SP1: variants seen among roughly 807,000 people sequenced by gnomAD.
The protein encoded by SP1 is transcription factor Sp1.
In SP1, 6 loss-of-function variants were observed where a neutral mutation model predicts 66.3. That is an observed-to-expected ratio of 0.09 (90% CI 0.05 to 0.18). The LOEUF (loss-of-function observed/expected upper bound fraction) is 0.18. Among genes scored for constraint, SP1 ranks in the 10% least tolerant of loss-of-function variants. The pLI, the probability that SP1 is intolerant of heterozygous loss-of-function variation, is 1.00. For missense variants in SP1, 848 were observed against 964.5 expected, an observed-to-expected ratio of 0.88 and a Z score of 1.60; for synonymous variants, 417 against 360.8, an observed-to-expected ratio of 1.16 and a Z score of -1.77.
rs750389401 is a variant in SP1, at chr12:53,383,174, A to ACAGGCCCTC, written c.1239_1247dup (p.Leu415_Ala417dup). 6.2e-7 allele frequency: 1 copy of ACAGGCCCTC among 1,614,096 alleles called. No individual in the cohort carries two copies. Among genetic ancestry groups the ACAGGCCCTC allele is most frequent in the Non-Finnish European group, 8.5e-7 (1 of 1,179,960 alleles). ...TCCAGCCTCAGCTAGTTCAAGGGGG[A>ACAGGCCCTC]CAGGCCCTCCAGGCCCTCCAAGCAG... On this transcript the variant is annotated inframe_insertion, in exon 3 of 6. Transcript: ENST00000327443.
intron 3 of SP1, among the ~76,000 whole-genome samples, chr12:53,395,867 A>G (rs1938476398): frequency 6.6e-6 from 1 of 152,166 alleles, no homozygotes; most frequent in Non-Finnish European, 1.5e-5. Context: ...CACGCCTGTA[A>G]TCACAGCACT....
chr12:53,407,016 G>T (rs965768295), intron 4 of SP1, among the ~76,000 whole-genome samples: 4 of 151,950 alleles, frequency 2.6e-5, no homozygotes, highest in Admixed American at 2.0e-4. Flanking sequence ...AGTAGAGACA[G>T]GGTTTCACTG....
In SP1 at chr12:53,383,619, C is replaced by T. The variant is rs779339105; in HGVS notation, c.1672C>T (p.Pro558Ser). The change falls in exon 3 of 6, where the codon CCA (proline) becomes TCA (serine). Residue 558 changes from proline to serine, a missense_variant. Transcript: ENST00000327443. ...CCTGCCGTTGGCTATAGCAAATGCC[C>T]CAGGTAAGATTTCCAATCTTGTGCA... ...QGLPLAIANA[P>S]GDHGAQLGLH... 1 of 1,598,038 alleles carries T rather than the reference C, an allele frequency of 6.3e-7. No homozygotes were observed. The highest frequency in any genetic ancestry group is 1.7e-5 in the Admixed American group (1 of 59,276).
At chr12:53,409,883 G>C (rs996207371) in intron 5 of SP1, among the ~76,000 whole-genome samples, 5 of 152,154 alleles carry the variant, frequency 3.3e-5, no homozygotes, top group African/African-American at 1.2e-4. Flanking sequence ...GGTGGCAGGC[G>C]CCTGTAGTTG....
intron 1 of SP1, chr12:53,380,814 G>A: frequency 5.1e-6 from 1 of 196,950 alleles, no homozygotes; most frequent in Non-Finnish European, 8.5e-6. Context: ...CCCGCCCTCC[G>A]CCCCGAAACC....
At chr12:53,380,948 T>C (rs1368681799) in intron 1 of SP1, among the ~76,000 whole-genome samples, 1 of 133,288 alleles carries the variant, frequency 7.5e-6, no homozygotes, top group African/African-American at 3.0e-5. Flanking sequence ...TTGTTTGTCT[T>C]TTTTTTTTTT....
intron 3 of SP1, among the ~76,000 whole-genome samples, chr12:53,398,665 C>T: frequency 6.6e-6 from 1 of 152,168 alleles, no homozygotes; most frequent in East Asian, 1.9e-4. Flanking sequence ...TGAAGGAGAA[C>T]TGTGGTTGTG....
intron 3 of SP1, among the ~76,000 whole-genome samples, chr12:53,384,249 G>A (rs1210088082): frequency 2.0e-5 from 3 of 151,376 alleles, no homozygotes; most frequent in African/African-American, 4.9e-5. Context: ...GATTACAGGC[G>A]TGAGCCACCG....
At chr12:53,387,483 G>T (rs962268803) in intron 3 of SP1, among the ~76,000 whole-genome samples, 2 of 152,172 alleles carry the variant, frequency 1.3e-5, no homozygotes, top group Non-Finnish European at 2.9e-5. Flanking sequence ...TAACAAGACA[G>T]TAATTTTCTT....
chr12:53,384,926 A>G (rs1938192113), intron 3 of SP1, among the ~76,000 whole-genome samples: 1 of 151,854 alleles, frequency 6.6e-6, no homozygotes, highest in South Asian at 2.1e-4. Flanking sequence ...CAGAGGTTGC[A>G]GTGAGCCAAG....
At chr12:53,388,790 G>A (rs1456351201) in intron 3 of SP1, among the ~76,000 whole-genome samples, 1 of 152,048 alleles carries the variant, frequency 6.6e-6, no homozygotes, top group East Asian at 1.9e-4. Context: ...GACCAGCCTG[G>A]GCAACATAGG....
intron 3 of SP1, among the ~76,000 whole-genome samples, chr12:53,396,640 C>T (rs1395551395): frequency 6.6e-6 from 1 of 152,124 alleles, no homozygotes; most frequent in East Asian, 1.9e-4. Flanking sequence ...GCTCCGGTTG[C>T]TTTTATGCTA....
chr12:53,404,913 G>A (rs1442280724), intron 3 of SP1, among the ~76,000 whole-genome samples: 1 of 152,112 alleles, frequency 6.6e-6, no homozygotes, highest in Non-Finnish European at 1.5e-5. Flanking sequence ...TCGGCTCACT[G>A]CAACCTCTGC....
At position 53,396,907 on chromosome 12, in the gene SP1, G is replaced by T. The variant is rs186070062; in HGVS notation, c.1676-9678G>T. Among the ~76,000 whole-genome samples, 786 of 152,130 alleles carry T rather than the reference G, an allele frequency of 5.2e-3. 16 individuals are homozygous for T. Among genetic ancestry groups the T allele is most frequent in the African/African-American group, 0.017 (712 of 41,488 alleles). On this transcript the variant is annotated intron_variant, in intron 3 of 5. Coordinates refer to ENST00000327443, the MANE Select transcript of SP1 (RefSeq NM_138473.3). ...GTCTCCCAGAGTGCTGGGATTACAGGTGTGAGCCACCACACCCGGCCTCTC... is the reference window on the plus strand; with the variant it reads ...GTCTCCCAGAGTGCTGGGATTACAGTTGTGAGCCACCACACCCGGCCTCTC...
At chr12:53,387,470 C>G (rs1448904802) in intron 3 of SP1, among the ~76,000 whole-genome samples, 1 of 152,104 alleles carries the variant, frequency 6.6e-6, no homozygotes, top group African/African-American at 2.4e-5. Context: ...ACATGTTGAG[C>G]TTTAACAAGA....
Position 53,382,533 on chromosome 12 carries a change from G to A in SP1, c.586G>A (p.Val196Met). Residue 196 changes from valine (V) to methionine (M), a missense_variant, in exon 3 of 6, where the codon GTG becomes ATG. This residue lies in a region of SP1 where 606 missense variants were observed against 589.9 expected (regional missense o/e 1.03). Transcript: ENST00000327443. ...GCAGTTTGCTGCCACTGGGGCCCAA[G>A]TGCAGCAGGATGGTTCTGGTCAAAT... is the stretch of plus-strand genomic sequence containing the variant. Reference protein sequence around the residue: ...QLQFAATGAQVQQDGSGQIQI... With the variant: ...QLQFAATGAQMQQDGSGQIQI... 6.2e-7 allele frequency: 1 copy of A among 1,614,186 alleles called. No homozygotes were observed. Among genetic ancestry groups the A allele is most frequent in the Non-Finnish European group, 8.5e-7 (1 of 1,180,014 alleles).
chr12:53,394,970 A>G lies in SP1; in HGVS notation c.1675+11348A>G, dbSNP rs187530360. On this transcript the variant is annotated intron_variant, in intron 3 of 5. Transcript: ENST00000327443. ...AGTCTTGAACTCCTGGGTTCAAGCA[A>G]TCCTCCGACTCAGCCTCCCCAGTAG... 3.8e-3 allele frequency among the ~76,000 whole-genome samples: 576 copies of G among 151,750 alleles called. 11 individuals carry two copies. The highest frequency in any genetic ancestry group is 5.1e-3 in the East Asian group (26 of 5,140).
intron 3 of SP1, among the ~76,000 whole-genome samples, chr12:53,395,584 G>T (rs1477021678): frequency 6.6e-6 from 1 of 152,086 alleles, no homozygotes; most frequent in African/African-American, 2.4e-5. Flanking sequence ...TCCAGTTTTT[G>T]GTACTTCCTT....
chr12:53,386,225 C>T (rs1938226731), intron 3 of SP1, among the ~76,000 whole-genome samples: 2 of 151,868 alleles, frequency 1.3e-5, no homozygotes, highest in Non-Finnish European at 2.9e-5. Context: ...ACTTCCTAGA[C>T]TGCTTTGAAA....
Sources: allele counts gnomAD v4.1 joint callset (sites outside exome capture counted in the v4.1 genomes callset), GRCh38; gene constraint gnomAD v4.1.1; regional missense constraint gnomAD v4.1.1; transcripts MANE v1.5; gene names NCBI Gene and HGNC (gene_info 2026-07-23, HGNC 2026-07-21).